SLC15A1: variants seen among roughly 807,000 people sequenced by gnomAD.
SLC15A1 encodes Caco-2 oligopeptide transporter.
A neutral mutation model predicts 92.9 loss-of-function variants in SLC15A1; 83 were observed. The observed-to-expected ratio is 0.89, with a 90% CI of 0.75 to 1.07. The LOEUF is 1.07. Among genes scored for constraint, SLC15A1 ranks in the 50% least tolerant of loss-of-function variants. SLC15A1 has a pLI of 0.00. For missense variants in SLC15A1, 857 were observed against 880.1 expected, an observed-to-expected ratio of 0.97 and a Z score of 0.33; for synonymous variants, 322 against 318.2, an observed-to-expected ratio of 1.01 and a Z score of -0.13.
At chr13:98,752,492 C>T in intron 1 of SLC15A1, 103 bp downstream of exon 1, 4 of 1,119,468 alleles carry the variant, frequency 3.6e-6, no homozygotes, top group Non-Finnish European at 3.4e-6. Context: ...GCCCCGCTTC[C>T]CGCCGCCGCG....
chr13:98,701,970 C>T (rs529315487), intron 18 of SLC15A1, among the ~76,000 whole-genome samples: 20 of 152,212 alleles, frequency 1.3e-4, no homozygotes, highest in Admixed American at 2.0e-4. Context: ...CCACCACACC[C>T]GGCCAATTGG....
chr13:98,711,813 C>A, intron 11 of SLC15A1, 41 bp downstream of exon 11: 3 of 1,484,078 alleles, frequency 2.0e-6, no homozygotes, highest in Non-Finnish European at 2.8e-6. Flanking sequence ...GGGATGTACG[C>A]TTGCTCCGTG....
At chr13:98,723,719 C>G (rs112228754) in intron 5 of SLC15A1, among the ~76,000 whole-genome samples, 193 bp downstream of exon 5, 1 of 152,278 alleles carries the variant, frequency 6.6e-6, no homozygotes, top group Non-Finnish European at 1.5e-5. Context: ...AGCAATGCCT[C>G]TAGACAACTG....
intron 4 of SLC15A1, 64 bp downstream of exon 4, chr13:98,726,059 C>T (rs1236270191): frequency 2.5e-6 from 4 of 1,581,008 alleles, no homozygotes; most frequent in African/African-American, 2.7e-5. Flanking sequence ...TCCACCATTC[C>T]CAACTACAAA....
chr13:98,725,870 T>C (rs148698581), intron 4 of SLC15A1, among the ~76,000 whole-genome samples: 53 of 152,190 alleles, frequency 3.5e-4, no homozygotes, highest in Admixed American at 9.2e-4. Flanking sequence ...GGGCCACAGG[T>C]GTATGCCACT....
chr13:98,708,362 A>C (rs373016914), intron 15 of SLC15A1, among the ~76,000 whole-genome samples: 49 of 152,348 alleles, frequency 3.2e-4, no homozygotes, highest in African/African-American at 1.2e-3. Flanking sequence ...ATTTGAAGTG[A>C]TGCTTGTTTG....
intron 4 of SLC15A1, among the ~76,000 whole-genome samples, chr13:98,724,952 T>C (rs534997876): frequency 5.5e-4 from 84 of 152,292 alleles, no homozygotes; most frequent in Non-Finnish European, 6.8e-4. Flanking sequence ...GATCCCAGTG[T>C]TGGAAGTGGG....
intron 16 of SLC15A1, among the ~76,000 whole-genome samples, chr13:98,704,867 A>G (rs1275065354): frequency 6.6e-6 from 1 of 152,140 alleles, no homozygotes; most frequent in Non-Finnish European, 1.5e-5. Context: ...GTGCTCAACC[A>G]TGGCTAAACA....
At chr13:98,725,098 G>A (rs1329980908) in intron 4 of SLC15A1, among the ~76,000 whole-genome samples, 2 of 152,004 alleles carry the variant, frequency 1.3e-5, no homozygotes, top group African/African-American at 4.8e-5. Flanking sequence ...TCTCTCTCTC[G>A]CTTCCCCTCT....
intron 21 of SLC15A1, 110 bp from the exon 22 acceptor site, chr13:98,686,407 G>A (rs1393571165): frequency 9.8e-6 from 7 of 717,716 alleles, no homozygotes; most frequent in Admixed American, 2.1e-5. Flanking sequence ...CAATGCACAC[G>A]AAAAGTCAGG....
At position 98,692,136 on chromosome 13, in the gene SLC15A1, C is replaced by CTTT. The variant is rs528865683; in HGVS notation, c.1467-3562_1467-3560dup. On this transcript the variant is annotated intron_variant, in intron 18 of 22. Transcript: ENST00000376503. ...AGGAGTCCCCCTCTCTTCTCCTAAA[C>CTTT]TTTTTTTTTTTTTTTTTTTTTTTTT... Among the ~76,000 whole-genome samples, 423 of 67,596 alleles carry CTTT rather than the reference C, an allele frequency of 6.3e-3. 21 individuals are homozygous for CTTT. The highest frequency in any genetic ancestry group is 0.014 in the African/African-American group (316 of 22,962). 44.3% of individuals were successfully genotyped at this position (67,596 alleles called of 152,430 possible). A position where few individuals can be genotyped will look rare whatever the true frequency, so the allele number is the denominator to read the frequency against.
chr13:98,718,143 A>G (rs1461522679), intron 8 of SLC15A1, among the ~76,000 whole-genome samples: 1 of 152,096 alleles, frequency 6.6e-6, no homozygotes, highest in Non-Finnish European at 1.5e-5. Flanking sequence ...GCACCAACCT[A>G]ATCAATTATG....
Position 98,712,516 on chromosome 13 carries a change from C to T in SLC15A1, c.792G>A (p.Trp264Ter). 2 of 1,611,646 alleles carry T rather than the reference C, an allele frequency of 1.2e-6. No individual in the cohort carries two copies. Among genetic ancestry groups the T allele is most frequent in the Non-Finnish European group, 1.7e-6 (2 of 1,178,640 alleles). ...TACTTACATCGTATTTCTCTTTAGCCCAGTCCAGCCAGTGCTCCCTCTTGG... is the reference window on the plus strand; with the variant it reads ...TACTTACATCGTATTTCTCTTTAGCTCAGTCCAGCCAGTGCTCCCTCTTGG... ...AFPKREHWLD[W>*]AKEKYDERLI... The change falls in exon 10 of 23, where the codon TGG becomes TGA. Residue 264 changes from tryptophan (W) to a stop codon, truncating the protein, a stop_gained. Coordinates refer to ENST00000376503, the MANE Select transcript of SLC15A1 (RefSeq NM_005073.4). LOFTEE classifies it high-confidence loss of function.
intron 1 of SLC15A1, among the ~76,000 whole-genome samples, chr13:98,731,628 T>C (rs879525138): frequency 6.6e-6 from 1 of 152,146 alleles, no homozygotes; most frequent in South Asian, 2.1e-4. Context: ...CTTCCCTGTG[T>C]TCCCAGGGCT....
intron 1 of SLC15A1, among the ~76,000 whole-genome samples, chr13:98,731,516 C>T (rs1371077984): frequency 1.3e-5 from 2 of 152,118 alleles, no homozygotes; most frequent in Non-Finnish European, 2.9e-5. Flanking sequence ...ACAGAAAGGT[C>T]CCTGTTATCC....
At position 98,704,190 on chromosome 13, in the gene SLC15A1, A is replaced by G. The variant is rs138929148; in HGVS notation, c.1416+99T>C. On this transcript the variant is annotated intron_variant, in intron 17 of 22. Transcript: ENST00000376503. ...AGGAAGAAATTGAGGATGATCTAATATAACACTATATGGGAGTAAAACAAA... is the reference window on the plus strand; with the variant it reads ...AGGAAGAAATTGAGGATGATCTAATGTAACACTATATGGGAGTAAAACAAA... The G allele has an allele frequency of 5.4e-6, 6 of 1,111,862 alleles. No individual in the cohort carries two copies. In the African/African-American group the frequency reaches 6.5e-5, roughly 12 times the overall value. The allele number at this position is 1,111,862 out of a possible 1,614,324, so 68.9% of individuals were successfully genotyped here.
At position 98,741,634 on chromosome 13, in the gene SLC15A1, G is replaced by C. The variant is rs966472585; in HGVS notation, c.4+10961C>G. ...AGCTACTCAAGAGGCTGAGGCCCGA[G>C]AATTGCTTGAACCCAGGAGGTGGAG... On this transcript the variant is annotated intron_variant, in intron 1 of 22. Coordinates refer to ENST00000376503, the MANE Select transcript of SLC15A1 (RefSeq NM_005073.4). Among the ~76,000 whole-genome samples the C allele has an allele frequency of 6.0e-5, 9 of 148,884 alleles. 1 individual carries two copies. The highest frequency in any genetic ancestry group is 3.4e-4 in the Admixed American group (5 of 14,730).
At chr13:98,738,148 G>A (rs2139606463) in intron 1 of SLC15A1, among the ~76,000 whole-genome samples, 1 of 152,298 alleles carries the variant, frequency 6.6e-6, no homozygotes, top group Admixed American at 6.5e-5. Context: ...AACAACCTAT[G>A]CTCATAGGTG....
At chr13:98,697,510 C>T (rs2088032855) in intron 18 of SLC15A1, among the ~76,000 whole-genome samples, 1 of 151,814 alleles carries the variant, frequency 6.6e-6, no homozygotes, top group Admixed American at 6.6e-5. Context: ...ACAATTATAG[C>T]CATGTTTAGT....
Sources: allele counts gnomAD v4.1 joint callset (sites outside exome capture counted in the v4.1 genomes callset), GRCh38; gene constraint gnomAD v4.1.1; transcripts MANE v1.5; gene names NCBI Gene and HGNC (gene_info 2026-07-23, HGNC 2026-07-21).